The following PTPRE variants were observed in gnomAD, a reference collection of about 807,000 sequenced individuals.
PTPRE encodes the protein receptor-type tyrosine-protein phosphatase epsilon.
In PTPRE, 51 loss-of-function variants were observed where a neutral mutation model predicts 102.0. The observed-to-expected ratio is 0.50, with a 90% CI of 0.40 to 0.63. PTPRE has a LOEUF of 0.63. Among genes scored for constraint, PTPRE ranks in the 30% least tolerant of loss-of-function variants. The pLI is 0.00. For missense variants in PTPRE, 752 were observed against 915.1 expected, an observed-to-expected ratio of 0.82 and a Z score of 2.30; for synonymous variants, 345 against 348.2, an observed-to-expected ratio of 0.99 and a Z score of 0.10.
intron 2 of PTPRE, among the ~76,000 whole-genome samples, chr10:127,988,548 G>A (rs188501692): frequency 4.2e-4 from 64 of 152,038 alleles, no homozygotes; most frequent in Admixed American, 9.8e-4. Context: ...CAGGTGATCC[G>A]CCCACCTTGG....
In PTPRE at chr10:128,049,542, T is replaced by C; in HGVS notation, c.296T>C (p.Val99Ala). Reference sequence around the variant, plus strand: ...TTTGATCCCACAGAGCAGCAAAGGGTGATGCTGCTCAGCAGGTCACCCTCA... The same window carrying C: ...TTTGATCCCACAGAGCAGCAAAGGGCGATGCTGCTCAGCAGGTCACCCTCA... ...GILEEQEQQR[V>A]MLLSRSPSGP... The change falls in exon 6 of 21, where the codon GTG becomes GCG. Residue 99 changes from valine (V) to alanine (A), a missense_variant. Physicochemically the swap from Val to Ala is moderately conservative, Grantham distance 64. Coordinates refer to ENST00000254667, the MANE Select transcript of PTPRE (RefSeq NM_006504.6). The C allele has an allele frequency of 6.2e-7, 1 of 1,613,854 alleles. No homozygotes were observed. The highest frequency in any genetic ancestry group is 1.1e-5 in the South Asian group (1 of 91,078).
At chr10:127,936,626 A>C (rs1051067524) in intron 1 of PTPRE, among the ~76,000 whole-genome samples, 3 of 152,156 alleles carry the variant, frequency 2.0e-5, no homozygotes, top group Non-Finnish European at 4.4e-5. Context: ...TAGAATCACG[A>C]AGCCTTCCAG....
intron 10 of PTPRE, among the ~76,000 whole-genome samples, chr10:128,065,561 A>G (rs1850009149): frequency 6.6e-6 from 1 of 152,198 alleles, no homozygotes; most frequent in South Asian, 2.1e-4. Context: ...CTAGAGAAAA[A>G]TGAAGATCGT....
chr10:127,918,242 C>A (rs1846344391), intron 1 of PTPRE, among the ~76,000 whole-genome samples: 1 of 152,054 alleles, frequency 6.6e-6, no homozygotes, highest in Non-Finnish European at 1.5e-5. Flanking sequence ...GCTTGGAGCA[C>A]CCCCTTTAAA....
chr10:128,046,070 C>T (rs1036330454), intron 3 of PTPRE, among the ~76,000 whole-genome samples: 1 of 152,218 alleles, frequency 6.6e-6, no homozygotes, highest in Non-Finnish European at 1.5e-5. Flanking sequence ...CTAATGGTCA[C>T]CCACGTCCCT....
rs112211163 is a variant in PTPRE at position 127,944,500 on chromosome 10, A to ATAAGTGGATGGATGGATGGGTAAG, written c.-31+37192_-31+37193insAAGTGGATGGATGGATGGGTAAGT. The stretch of plus-strand genomic sequence containing the variant: ...GATGGATGGATGGATGGATGGATGG[A>ATAAGTGGATGGATGGATGGGTAAG]TGGATGGATGGATGGGTGGATGGAT... On this transcript the variant is annotated intron_variant, in intron 1 of 20. Coordinates refer to ENST00000254667, the MANE Select transcript of PTPRE (RefSeq NM_006504.6). The surrounding 1 kb of genome is among the most constrained non-coding windows in gnomAD (Gnocchi z 4.2). Among the ~76,000 whole-genome samples, 1 of 146,022 alleles carries ATAAGTGGATGGATGGATGGGTAAG rather than the reference A, an allele frequency of 6.8e-6. No individual in the cohort carries two copies. Among genetic ancestry groups the ATAAGTGGATGGATGGATGGGTAAG allele is most frequent in the Non-Finnish European group, 1.5e-5 (1 of 66,614 alleles).
At chr10:127,920,584 G>A (rs182196720) in intron 1 of PTPRE, among the ~76,000 whole-genome samples, 1 of 152,304 alleles carries the variant, frequency 6.6e-6, no homozygotes, top group East Asian at 1.9e-4. Context: ...CGAGCCTGGG[G>A]CAACCCTTCT....
chr10:127,954,065 G>T (rs1849229554), intron 1 of PTPRE, among the ~76,000 whole-genome samples: 1 of 152,228 alleles, frequency 6.6e-6, no homozygotes, highest in Non-Finnish European at 1.5e-5. Context: ...CTACCAAAGG[G>T]TGACCTCAGC....
At chr10:128,032,070 C>T (rs1363965216) in intron 2 of PTPRE, among the ~76,000 whole-genome samples, 1 of 152,120 alleles carries the variant, frequency 6.6e-6, no homozygotes, top group African/African-American at 2.4e-5. Flanking sequence ...GGCTGGAGTG[C>T]AGTGGCGCAA....
At chr10:128,073,656 G>A (rs1400515349) in intron 17 of PTPRE, among the ~76,000 whole-genome samples, 185 bp downstream of exon 17, 1 of 152,218 alleles carries the variant, frequency 6.6e-6, no homozygotes, top group South Asian at 2.1e-4. Context: ...CCCTTTTTGG[G>A]AGTGAGGTTT....
At chr10:128,001,378 G>T (rs1158311334) in intron 2 of PTPRE, among the ~76,000 whole-genome samples, 2 of 148,994 alleles carry the variant, frequency 1.3e-5, no homozygotes, top group African/African-American at 5.0e-5. Flanking sequence ...TAAAGTGTAG[G>T]CACGGCTAGG....
chr10:127,980,422 G>C (rs546376895), intron 1 of PTPRE, among the ~76,000 whole-genome samples: 1 of 147,428 alleles, frequency 6.8e-6, no homozygotes, highest in Non-Finnish European at 1.5e-5. Context: ...TGAATCCTTT[G>C]GGATTTTCTA....
intron 3 of PTPRE, among the ~76,000 whole-genome samples, chr10:128,042,773 C>T (rs1238150309): frequency 6.6e-6 from 1 of 152,082 alleles, no homozygotes; most frequent in Non-Finnish European, 1.5e-5. Context: ...CTCATGCAGA[C>T]AAATTCTTTT....
At chr10:127,996,938 C>T (rs1167291926) in intron 2 of PTPRE, among the ~76,000 whole-genome samples, 1 of 151,900 alleles carries the variant, frequency 6.6e-6, no homozygotes, top group East Asian at 1.9e-4. Flanking sequence ...CCTTCTCAGC[C>T]TCAAACCAGG....
chr10:127,964,358 T>C (rs114871472), intron 1 of PTPRE, among the ~76,000 whole-genome samples: 1,747 of 152,034 alleles, frequency 0.011, 26 homozygotes, highest in African/African-American at 0.04. Context: ...TTGGTAGAGA[T>C]TGTGGTTTCA....
intron 1 of PTPRE, among the ~76,000 whole-genome samples, chr10:127,938,452 G>T (rs1349624801): frequency 2.0e-5 from 3 of 152,068 alleles, no homozygotes; most frequent in African/African-American, 7.2e-5. Context: ...CAAACGACAG[G>T]CAGCTGGGTG....
At chr10:127,999,811 TA>T (rs1312611624) in intron 2 of PTPRE, 1 of 985,330 alleles carries the variant, frequency 1.0e-6, no homozygotes, top group Non-Finnish European at 1.2e-6. Context: ...GAAGGAAAAT[TA>T]CAAAGGGAAT....
chr10:128,036,293 G>C (rs1031735545), intron 2 of PTPRE, among the ~76,000 whole-genome samples: 1 of 146,900 alleles, frequency 6.8e-6, no homozygotes, highest in Non-Finnish European at 1.5e-5. Flanking sequence ...TCCCCCACAC[G>C]CTGCACTTGC....
chr10:127,968,009 G>GGTGTGTGTGTGTGT (rs142445895), intron 1 of PTPRE, among the ~76,000 whole-genome samples: 18 of 143,226 alleles, frequency 1.3e-4, no homozygotes, highest in South Asian at 4.7e-4. Flanking sequence ...TTGCTCTATA[G>GGTGTGTGTGTGTGT]GTGTGTGTGT....
Sources: allele counts gnomAD v4.1 joint callset (sites outside exome capture counted in the v4.1 genomes callset), GRCh38; gene constraint gnomAD v4.1.1; non-coding constraint Gnocchi (gnomAD v3.1); transcripts MANE v1.5; gene names NCBI Gene and HGNC (gene_info 2026-07-23, HGNC 2026-07-21).